Variants in TBC1D30 observed in about 807,000 individuals in gnomAD.
TBC1D30 encodes TBC1 domain family, member 30.
TBC1D30 carries 31 observed loss-of-function variants against 63.2 expected under a neutral mutation model. The ratio of observed to expected loss-of-function variants is 0.49; its 90% CI spans 0.37 to 0.66. The LOEUF (loss-of-function observed/expected upper bound fraction) is 0.66. TBC1D30 is among the 30% of genes least tolerant of loss of function. The pLI is 0.00. For synonymous variants in TBC1D30, 307 were observed against 361.5 expected, an observed-to-expected ratio of 0.85 and a Z score of 1.71; for missense variants, 810 against 953.6, an observed-to-expected ratio of 0.85 and a Z score of 1.98.
intron 5 of TBC1D30, among the ~76,000 whole-genome samples, chr12:64,834,667 C>T (rs982595382): frequency 2.6e-5 from 4 of 151,034 alleles, no homozygotes; most frequent in African/African-American, 9.7e-5. Flanking sequence ...CCTCAGTCTC[C>T]CAAAGTGCTG....
At chr12:64,830,559 A>C in intron 4 of TBC1D30, 57 bp downstream of exon 4, 1 of 1,423,262 alleles carries the variant, frequency 7.0e-7, no homozygotes, top group Non-Finnish European at 9.3e-7. Flanking sequence ...TCTAAAAGCC[A>C]GTTGCTTTTT....
chr12:64,855,509 A>G (rs118050258), intron 8 of TBC1D30, among the ~76,000 whole-genome samples: 2,468 of 152,156 alleles, frequency 0.016, 25 homozygotes, highest in Non-Finnish European at 0.022. Context: ...GGCATACTTC[A>G]TTATTTTTTA....
chr12:64,805,169 C>G (rs771676124), intron 2 of TBC1D30, among the ~76,000 whole-genome samples: 18 of 152,078 alleles, frequency 1.2e-4, no homozygotes, highest in Non-Finnish European at 2.4e-4. Context: ...CCATTGCACT[C>G]CAGCCTGGGA....
At chr12:64,848,373 C>A (rs1876574626) in intron 8 of TBC1D30, among the ~76,000 whole-genome samples, 1 of 151,924 alleles carries the variant, frequency 6.6e-6, no homozygotes, top group South Asian at 2.1e-4. Context: ...TTGTGGCCCC[C>A]ATCAACCTGT....
At chr12:64,780,665 G>A (rs1175662382) in exon 1 of TBC1D30, 2 of 770,264 alleles carry the variant, frequency 2.6e-6, no homozygotes, top group Non-Finnish European at 3.2e-6. Context: ...GGGGAGGCCC[G>A]GGCACCTCGG....
At chr12:64,812,354 T>C (rs1398988808) in intron 2 of TBC1D30, among the ~76,000 whole-genome samples, 1 of 152,238 alleles carries the variant, frequency 6.6e-6, no homozygotes, top group Non-Finnish European at 1.5e-5. Context: ...ACAATTGGTA[T>C]ATGGCAGTAG....
intron 6 of TBC1D30, among the ~76,000 whole-genome samples, chr12:64,837,729 G>A (rs146819790): frequency 3.3e-5 from 5 of 152,236 alleles, no homozygotes; most frequent in African/African-American, 9.6e-5. Context: ...GAATAATCTC[G>A]TTTAACTTGG....
chr12:64,799,602 C>G (rs1476562891), intron 2 of TBC1D30, among the ~76,000 whole-genome samples: 3 of 152,182 alleles, frequency 2.0e-5, no homozygotes, highest in Non-Finnish European at 4.4e-5. Context: ...TTTAACTCTT[C>G]GGGAAAGGAT....
chr12:64,875,581 A>G lies in TBC1D30; in HGVS notation c.2079A>G (p.Lys693=). The G allele has an allele frequency of 6.5e-7, 1 of 1,536,154 alleles. No individual in the cohort carries two copies. Residue 693 remains lysine, a synonymous_variant, in exon 12 of 12, where the codon AAA becomes AAG. Coordinates refer to ENST00000539867, the MANE Select transcript of TBC1D30 (RefSeq NM_015279.2). The stretch of plus-strand genomic sequence containing the variant: ...CGCCGAGTGCACCCGAAGAAAACAA[A>G]GCCACCAGCAAAGCTCCCCAAGGCA... ...PEPPSAPEEN[K]ATSKAPQGSN... is the part of the protein sequence containing the mutation.
chr12:64,843,493 G>T lies in TBC1D30; in HGVS notation c.1038+8G>T. On this transcript the variant is annotated splice_region_variant and intron_variant, in intron 8 of 11. Transcript: ENST00000539867. ...AGCCATGAACTCATGCAGGTGAGTC[G>T]GCAACATGGAGCAGCTTGGCTCGGG... 3 of 1,534,952 alleles carry T rather than the reference G, an allele frequency of 2.0e-6. No individual in the cohort carries two copies. The highest frequency in any genetic ancestry group is 1.2e-5 in the South Asian group (1 of 84,012).
intron 8 of TBC1D30, among the ~76,000 whole-genome samples, chr12:64,857,395 G>T (rs1186475169): frequency 6.6e-6 from 1 of 152,074 alleles, no homozygotes; most frequent in African/African-American, 2.4e-5. Context: ...GGGAGCTAGG[G>T]CCTGGAATAG....
intron 2 of TBC1D30, chr12:64,787,278 T>G (rs531466942): frequency 2.5e-4 from 169 of 677,412 alleles, no homozygotes; most frequent in Non-Finnish European, 2.9e-4. Flanking sequence ...GAATTAATTT[T>G]AAAATTCTCC....
intron 6 of TBC1D30, 41 bp from the exon 7 acceptor site, chr12:64,838,642 C>A (rs1349770386): frequency 6.5e-7 from 1 of 1,527,388 alleles, no homozygotes; most frequent in Non-Finnish European, 8.8e-7. Flanking sequence ...TGCTGCCAAT[C>A]ATCAGTTCTG....
At chr12:64,840,549 C>T (rs1457676003) in intron 7 of TBC1D30, among the ~76,000 whole-genome samples, 4 of 152,284 alleles carry the variant, frequency 2.6e-5, no homozygotes, top group East Asian at 1.9e-4. Flanking sequence ...AATGAACAGT[C>T]GCTGTTCTAA....
chr12:64,872,370 T>G (rs1414639242), intron 11 of TBC1D30, among the ~76,000 whole-genome samples: 1 of 152,218 alleles, frequency 6.6e-6, no homozygotes, highest in African/African-American at 2.4e-5. Flanking sequence ...CCCATTTGTT[T>G]ACAGGTTGTC....
At chr12:64,775,075 A>G (rs1224617226) in intron 1 of TBC1D30, among the ~76,000 whole-genome samples, 1 of 150,572 alleles carries the variant, frequency 6.6e-6, no homozygotes, top group Non-Finnish European at 1.5e-5. Context: ...CCTGGGTGAC[A>G]GAGTGAGACT....
At chr12:64,768,562 C>T (rs954310260) in intron 1 of TBC1D30, 5 of 152,166 alleles carry the variant, frequency 3.3e-5, no homozygotes, top group African/African-American at 1.2e-4. Flanking sequence ...ATATCAAACA[C>T]CTGGCCTCAA....
intron 1 of TBC1D30, among the ~76,000 whole-genome samples, chr12:64,782,276 C>A (rs1383854775): frequency 6.6e-6 from 1 of 150,792 alleles, no homozygotes; most frequent in African/African-American, 2.5e-5. Context: ...AGGAGAGTCT[C>A]CCATCTCCTC....
At chr12:64,792,886 G>GCTTTCA (rs1236308584) in intron 2 of TBC1D30, among the ~76,000 whole-genome samples, 8 of 152,072 alleles carry the variant, frequency 5.3e-5, no homozygotes, top group Non-Finnish European at 1.0e-4. Context: ...GGCTAGTTAT[G>GCTTTCA]GAATAATCAA....
Sources: gnomAD v4.1 joint callset for allele counts (sites outside exome capture counted in the v4.1 genomes callset) on GRCh38, gnomAD v4.1.1 for gene constraint, MANE v1.5 for transcripts, NCBI Gene and HGNC (gene_info 2026-07-23, HGNC 2026-07-21) for gene names.